Variants in ADAMTSL1 observed in about 807,000 individuals in gnomAD.
ADAMTSL1 encodes the protein ADAMTS-like protein 1.
In ADAMTSL1, 126 loss-of-function variants were observed where a neutral mutation model predicts 201.8. The ratio of observed to expected loss-of-function variants is 0.62; its 90% CI spans 0.54 to 0.72. The LOEUF (loss-of-function observed/expected upper bound fraction) is 0.72, where lower values mean the gene tolerates loss of function less well. ADAMTSL1 is among the 30% of genes least tolerant of loss of function. ADAMTSL1 has a pLI of 0.00. For synonymous variants in ADAMTSL1, 1,121 were observed against 903.4 expected, an observed-to-expected ratio of 1.24 and a Z score of -4.32; for missense variants, 2,679 against 2,277.8, an observed-to-expected ratio of 1.18 and a Z score of -3.59.
intron 2 of ADAMTSL1, among the ~76,000 whole-genome samples, chr9:18,420,233 G>C (rs1480547184): frequency 6.6e-6 from 1 of 152,158 alleles, no homozygotes; most frequent in Non-Finnish European, 1.5e-5. Context: ...GGTAGAGTTT[G>C]GCTATGGCAT....
At chr9:18,021,587 T>C (rs901283420) in intron 1 of ADAMTSL1, among the ~76,000 whole-genome samples, 1 of 152,166 alleles carries the variant, frequency 6.6e-6, no homozygotes, top group Non-Finnish European at 1.5e-5. Context: ...ATAAACTTTC[T>C]GTGCTGTTAG....
chr9:18,866,115 C>CAAAAAAAAAAAAAAA (rs1827521138), intron 23 of ADAMTSL1, among the ~76,000 whole-genome samples: 2 of 26,882 alleles, frequency 7.4e-5, no homozygotes, highest in South Asian at 2.2e-3. Context: ...CCTTCAAAAA[C>CAAAAAAAAAAAAAAA]CAAAAAAAAA....
Position 18,775,842 on chromosome 9 carries a change from C to T in ADAMTSL1, c.2497C>T (p.Pro833Ser), listed in dbSNP as rs576017270. The T allele has an allele frequency of 2.5e-6, 4 of 1,605,978 alleles. No individual in the cohort carries two copies. The highest frequency in any genetic ancestry group is 1.3e-5 in the African/African-American group (1 of 74,880). The change falls in exon 18 of 29, where the codon CCG (proline) becomes TCG (serine). Residue 833 changes from proline to serine, a missense_variant. Transcript: ENST00000380548. ...AACGGTTGTCAATTCCACCCTGTGC[C>T]CGCCCCTGCCTTTCTCTTCCTCCAT... ...LSTVVNSTLC[P>S]PLPFSSSIRP...
At chr9:18,121,453 T>C (rs530136103) in intron 1 of ADAMTSL1, among the ~76,000 whole-genome samples, 2 of 152,272 alleles carry the variant, frequency 1.3e-5, no homozygotes, top group African/African-American at 4.8e-5. Flanking sequence ...AGCCTTGAAG[T>C]AAAGGCATTA....
intron 2 of ADAMTSL1, among the ~76,000 whole-genome samples, chr9:18,435,555 T>G (rs535083649): frequency 2.6e-5 from 4 of 152,212 alleles, no homozygotes; most frequent in Non-Finnish European, 5.9e-5. Context: ...CTAGGAGACT[T>G]GAAGTCCAGG....
chr9:18,532,591 G>A (rs558486909), intron 2 of ADAMTSL1, among the ~76,000 whole-genome samples: 1 of 151,932 alleles, frequency 6.6e-6, no homozygotes, highest in African/African-American at 2.4e-5. Context: ...ATTTTAAGTG[G>A]AAACAAAAAC....
upstream of ADAMTSL1, chr9:18,474,140 G>C: frequency 8.6e-7 from 1 of 1,160,416 alleles, no homozygotes; most frequent in Non-Finnish European, 1.3e-6. Flanking sequence ...GGCAGGACTG[G>C]AGTGTTAGCA....
intron 2 of ADAMTSL1, among the ~76,000 whole-genome samples, chr9:18,520,351 C>T (rs1294589079): frequency 6.6e-6 from 1 of 152,178 alleles, no homozygotes; most frequent in Admixed American, 6.5e-5. Context: ...GTTTTAGTAA[C>T]TCTCTGGATA....
intron 2 of ADAMTSL1, among the ~76,000 whole-genome samples, chr9:18,420,540 A>T (rs1818895927): frequency 6.6e-6 from 1 of 152,114 alleles, no homozygotes; most frequent in Non-Finnish European, 1.5e-5. Context: ...ACCTCCAAAT[A>T]TTGGGCATGC....
At chr9:18,305,097 A>G (rs73428956) in intron 2 of ADAMTSL1, among the ~76,000 whole-genome samples, 10,701 of 152,174 alleles carry the variant, frequency 0.07, 1,212 homozygotes, top group African/African-American at 0.24. Context: ...CCGGGAAAGT[A>G]CAAGTGGTCA....
At chr9:17,943,288 C>G (rs925825441) in intron 1 of ADAMTSL1, among the ~76,000 whole-genome samples, 1 of 152,088 alleles carries the variant, frequency 6.6e-6, no homozygotes, top group Admixed American at 6.6e-5. Flanking sequence ...TAAAGAGTAG[C>G]TTATAAGGGC....
At chr9:18,506,216 C>T (rs750114687) in intron 2 of ADAMTSL1, among the ~76,000 whole-genome samples, 5 of 152,188 alleles carry the variant, frequency 3.3e-5, no homozygotes, top group East Asian at 3.9e-4. Context: ...GACTTTTGCT[C>T]CTTATGATTC....
chr9:18,830,774 T>C (rs553170575), intron 23 of ADAMTSL1, among the ~76,000 whole-genome samples: 63 of 152,260 alleles, frequency 4.1e-4, no homozygotes, highest in African/African-American at 1.5e-3. Context: ...GGACAGGGAA[T>C]ATATGAGAAG....
In ADAMTSL1 at chr9:18,689,519, T is replaced by TA. The variant is rs1564153473; in HGVS notation, c.1574+4719_1574+4720insA. On this transcript the variant is annotated intron_variant, in intron 13 of 28. Coordinates refer to ENST00000380548, the MANE Select transcript of ADAMTSL1 (RefSeq NM_001040272.6). ...TAATTTGCTAAGGGACTCATATTTT[T>TA]TAAAAAAAAGGAAAAAGAAAAAAGA... is the stretch of plus-strand genomic sequence containing the variant. Among the ~76,000 whole-genome samples, 20 of 151,816 alleles carry TA rather than the reference T, an allele frequency of 1.3e-4. 1 individual carries two copies. Among genetic ancestry groups the TA allele is most frequent in the Admixed American group, 9.8e-4 (15 of 15,236 alleles).
intron 14 of ADAMTSL1, among the ~76,000 whole-genome samples, chr9:18,714,156 CA>C (rs1832774117): frequency 6.6e-6 from 1 of 152,058 alleles, no homozygotes; most frequent in Non-Finnish European, 1.5e-5. Context: ...ACAAAAGATC[CA>C]AAATTGACAC....
intron 2 of ADAMTSL1, among the ~76,000 whole-genome samples, chr9:18,377,067 T>G (rs946832900): frequency 2.0e-5 from 3 of 152,230 alleles, no homozygotes; most frequent in Non-Finnish European, 4.4e-5. Context: ...GATAGAGTTT[T>G]CTTCAAATTT....
chr9:18,536,836 A>C (rs774969698), intron 3 of ADAMTSL1, among the ~76,000 whole-genome samples: 51 of 152,212 alleles, frequency 3.4e-4, no homozygotes, highest in Non-Finnish European at 7.3e-5. Flanking sequence ...TTCTTAGGTC[A>C]TATCTTCATG....
chr9:18,392,115 C>T (rs545675039), intron 2 of ADAMTSL1, among the ~76,000 whole-genome samples: 100 of 152,170 alleles, frequency 6.6e-4, no homozygotes, highest in African/African-American at 2.4e-3. Flanking sequence ...TGAGTCACTG[C>T]GACTGGCCCT....
intron 7 of ADAMTSL1, among the ~76,000 whole-genome samples, chr9:18,648,236 C>G (rs1001053089): frequency 7.8e-5 from 11 of 140,692 alleles, no homozygotes; most frequent in Non-Finnish European, 1.6e-4. Context: ...TTTCCATTTG[C>G]TTGGTAGATC....
Sources: allele counts gnomAD v4.1 joint callset (sites outside exome capture counted in the v4.1 genomes callset), GRCh38; gene constraint gnomAD v4.1.1; transcripts MANE v1.5; gene names NCBI Gene and HGNC (gene_info 2026-07-23, HGNC 2026-07-21).